Variants in IAPP observed in about 807,000 individuals in gnomAD.
IAPP encodes Islet amyloid polypeptide (diabetes-associated peptide; amylin).
In IAPP, 4 loss-of-function variants were observed where a neutral mutation model predicts 2.9. The ratio of observed to expected loss-of-function variants is 1.39; its 90% CI spans 0.69 to 3.19. IAPP has a LOEUF of 3.19. Among genes scored for constraint, IAPP ranks in the 30% most tolerant of loss-of-function variants. IAPP has a pLI of 0.01. For missense variants in IAPP, 114 were observed against 105.3 expected, an observed-to-expected ratio of 1.08 and a Z score of -0.36; for synonymous variants, 40 against 42.1, an observed-to-expected ratio of 0.95 and a Z score of 0.19.
chr12:21,373,339 A>C lies in IAPP; in HGVS notation c.-13A>C. On this transcript the variant is annotated splice_region_variant and 5_prime_UTR_variant, in exon 2 of 3. Transcript: ENST00000240652. ...CAGTGCTGGATTATTCTTTGCAGAA[A>C]ATTTGAGAAGCAATGGGCATCCTGA... The C allele has an allele frequency of 6.3e-7, 1 of 1,595,924 alleles. No individual in the cohort carries two copies. Among genetic ancestry groups the C allele is most frequent in the Non-Finnish European group, 8.6e-7 (1 of 1,163,702 alleles).
At chr12:21,371,670 G>T (rs1314047153), upstream of IAPP, among the ~76,000 whole-genome samples, 2 of 152,186 alleles carry the variant, frequency 1.3e-5, no homozygotes, top group African/African-American at 4.8e-5. Flanking sequence ...ACACTAAGTT[G>T]TTCTATTAAT....
upstream of IAPP, among the ~76,000 whole-genome samples, chr12:21,372,242 A>G (rs1428770273): frequency 6.6e-6 from 1 of 152,168 alleles, no homozygotes; most frequent in Non-Finnish European, 1.5e-5. Flanking sequence ...TTGACTACAT[A>G]TACCTATGGA....
At chr12:21,362,711 CA>C (rs1256538100) in intron 1 of IAPP, among the ~76,000 whole-genome samples, 3 of 152,054 alleles carry the variant, frequency 2.0e-5, no homozygotes, top group Non-Finnish European at 4.4e-5. Flanking sequence ...GAAGATCTAC[CA>C]AGCAAATGGA....
chr12:21,365,667 C>A (rs1312071038), intron 1 of IAPP, among the ~76,000 whole-genome samples: 1 of 152,044 alleles, frequency 6.6e-6, no homozygotes, highest in Non-Finnish European at 1.5e-5. Context: ...GGGCTAATAT[C>A]CAGAATCTAC....
upstream of IAPP, among the ~76,000 whole-genome samples, chr12:21,371,577 T>G (rs978209192): frequency 6.6e-6 from 1 of 152,224 alleles, no homozygotes; most frequent in African/African-American, 2.4e-5. Context: ...AACTAATGTT[T>G]CTAGTTAGAG....
intron 2 of IAPP, chr12:21,373,825 T>C: frequency 1.7e-6 from 1 of 576,978 alleles, no homozygotes; most frequent in African/African-American, 1.9e-5. Flanking sequence ...ATTCTTTTTG[T>C]ATATATTACT....
upstream of IAPP, among the ~76,000 whole-genome samples, chr12:21,370,806 C>A (rs111648279): frequency 1.0e-3 from 157 of 152,244 alleles, 1 homozygote; most frequent in African/African-American, 3.6e-3. Flanking sequence ...TGATGTTGAA[C>A]TTTATTTAAT....
At chr12:21,367,035 A>C (rs1284008139) in intron 1 of IAPP, among the ~76,000 whole-genome samples, 1 of 152,126 alleles carries the variant, frequency 6.6e-6, no homozygotes, top group Non-Finnish European at 1.5e-5. Flanking sequence ...AAAAAGATCC[A>C]CACCAAAGCA....
chr12:21,371,188 T>A (rs1043194403), upstream of IAPP, among the ~76,000 whole-genome samples: 1 of 152,166 alleles, frequency 6.6e-6, no homozygotes, highest in Non-Finnish European at 1.5e-5. Context: ...CAGTAACTCC[T>A]GGGTGTTGTT....
rs142695483 is a variant in IAPP at position 21,378,348 on chromosome 12, C to T, written c.192C>T (p.Asn64=). ...NNFGAILSST[N]VGSNTYGKRN... ...TTGGTGCCATTCTCTCATCTACCAA[C>T]GTGGGATCCAATACATATGGCAAGA... The change falls in exon 3 of 3, where the codon AAC becomes AAT. Residue 64 remains asparagine (N), a synonymous_variant. Coordinates refer to ENST00000240652, the MANE Select transcript of IAPP (RefSeq NM_000415.3). 1,908 of 1,614,076 alleles carry T rather than the reference C, an allele frequency of 1.2e-3. 16 individuals carry two copies. The highest frequency in any genetic ancestry group is 5.1e-3 in the Middle Eastern group (31 of 6,062).
intron 1 of IAPP, among the ~76,000 whole-genome samples, chr12:21,365,911 G>A (rs1478892371): frequency 6.6e-6 from 1 of 152,202 alleles, no homozygotes; most frequent in Non-Finnish European, 1.5e-5. Flanking sequence ...AGGTGCTGGA[G>A]AGGATGTGGA....
In IAPP at chr12:21,359,426, C is replaced by T. The variant is rs557368180; in HGVS notation, c.-16+4413C>T. ...GAAAAAAAAAACACAAACCTGAAAT[C>T]GCCTGGCTAAAAGAACCACAAATAC... On this transcript the variant is annotated intron_variant, in intron 1 of 2. Transcript: ENST00000539393. Among the ~76,000 whole-genome samples the T allele has an allele frequency of 3.9e-5, 6 of 152,228 alleles. No homozygotes were observed. In the East Asian group the frequency reaches 5.8e-4, roughly 15 times the overall value.
upstream of IAPP, among the ~76,000 whole-genome samples, chr12:21,371,926 C>T (rs556314221): frequency 1.3e-5 from 2 of 151,478 alleles, no homozygotes; most frequent in South Asian, 2.1e-4. Flanking sequence ...CACTTGAACC[C>T]GGGAGGCACA....
At chr12:21,363,127 T>C (rs1243216054) in intron 1 of IAPP, among the ~76,000 whole-genome samples, 1 of 152,172 alleles carries the variant, frequency 6.6e-6, no homozygotes, top group Non-Finnish European at 1.5e-5. Context: ...TATTCCAAAA[T>C]GGACCACATA....
upstream of IAPP, among the ~76,000 whole-genome samples, chr12:21,372,150 T>C (rs1029051062): frequency 2.0e-5 from 3 of 152,190 alleles, no homozygotes; most frequent in African/African-American, 7.2e-5. Context: ...CTCATGGAGC[T>C]AATGGGAAAC....
chr12:21,357,332 C>A (rs1938449032), intron 1 of IAPP, among the ~76,000 whole-genome samples: 1 of 152,106 alleles, frequency 6.6e-6, no homozygotes, highest in Non-Finnish European at 1.5e-5. Flanking sequence ...GGAATGAAGA[C>A]AAAAATCAGG....
chr12:21,356,665 T>G (rs1472391141), intron 1 of IAPP, among the ~76,000 whole-genome samples: 2 of 152,132 alleles, frequency 1.3e-5, no homozygotes, highest in Non-Finnish European at 2.9e-5. Context: ...TACATTTCTA[T>G]GCACCCAATG....
chr12:21,373,671 G>T (rs1377330495), intron 2 of IAPP: 1 of 701,436 alleles, frequency 1.4e-6, no homozygotes, highest in Non-Finnish European at 2.6e-6. Context: ...GTTTTGTCAA[G>T]AAATATACTC....
chr12:21,377,256 T>C (rs1241992695), intron 2 of IAPP, among the ~76,000 whole-genome samples: 1 of 152,178 alleles, frequency 6.6e-6, no homozygotes, highest in Admixed American at 6.5e-5. Context: ...CAGGAAAATG[T>C]ATTTATGCTA....
Sources: gnomAD v4.1 joint callset for allele counts (sites outside exome capture counted in the v4.1 genomes callset) on GRCh38, gnomAD v4.1.1 for gene constraint, MANE v1.5 for transcripts, NCBI Gene and HGNC (gene_info 2026-07-23, HGNC 2026-07-21) for gene names.